CCDC126: variants seen among roughly 807,000 people sequenced by gnomAD.
The protein encoded by CCDC126 is coiled-coil domain containing 126.
Under a neutral mutation model 11.7 loss-of-function variants are expected in CCDC126, and 5 were observed. The ratio of observed to expected loss-of-function variants is 0.43; its 90% CI spans 0.22 to 0.90. The LOEUF (loss-of-function observed/expected upper bound fraction) is 0.90. Among genes scored for constraint, CCDC126 ranks in the 40% least tolerant of loss-of-function variants. The pLI, the probability that CCDC126 is intolerant of heterozygous loss-of-function variation, is 0.27. For synonymous variants in CCDC126, 60 were observed against 61.9 expected, an observed-to-expected ratio of 0.97 and a Z score of 0.14; for missense variants, 150 against 163.1, an observed-to-expected ratio of 0.92 and a Z score of 0.44.
chr7:23,600,058 C>A (rs1782508972), intron 2 of CCDC126, among the ~76,000 whole-genome samples: 1 of 152,126 alleles, frequency 6.6e-6, no homozygotes, highest in African/African-American at 2.4e-5. Flanking sequence ...GTGCTGGGAT[C>A]ACAGGCATGA....
intron 2 of CCDC126, among the ~76,000 whole-genome samples, chr7:23,610,615 G>C (rs1036354680): frequency 6.6e-6 from 1 of 152,098 alleles, no homozygotes; most frequent in Non-Finnish European, 1.5e-5. Context: ...TTTTATCTTA[G>C]ATTGCATCTT....
chr7:23,622,668 A>G (rs1782935868), intron 3 of CCDC126: 3 of 533,774 alleles, frequency 5.6e-6, no homozygotes, highest in Middle Eastern at 4.7e-4. Context: ...AAAGGAACCT[A>G]TGCAGATGAC....
intron 2 of CCDC126, among the ~76,000 whole-genome samples, chr7:23,601,101 A>G (rs73077135): frequency 0.094 from 14,225 of 151,722 alleles, 814 homozygotes; most frequent in East Asian, 0.16. Flanking sequence ...GTGTGTGCAT[A>G]GGCTGGACTC....
chr7:23,643,298 T>A lies in CCDC126; in HGVS notation c.*183T>A. 1.8e-6 allele frequency: 1 copy of A among 561,912 alleles called. No homozygotes were observed. The highest frequency in any genetic ancestry group is 3.0e-5 in the East Asian group (1 of 33,172). The allele number at this position is 561,912 out of a possible 1,614,324, so 34.8% of individuals were successfully genotyped here. ...CATAAAAATTTTAAAGTTATTTGTT[T>A]GCTTTCAGGCAAGTCTGTTCAATGC... On this transcript the variant is annotated 3_prime_UTR_variant, in exon 4 of 4. Transcript: ENST00000307471.
intron 3 of CCDC126, among the ~76,000 whole-genome samples, chr7:23,636,318 C>A (rs1265651882): frequency 6.8e-6 from 1 of 147,884 alleles, no homozygotes; most frequent in South Asian, 2.2e-4. Flanking sequence ...CTGCCTGGCC[C>A]CCCATCGTCT....
chr7:23,612,534 A>G (rs1455478858), intron 3 of CCDC126, among the ~76,000 whole-genome samples: 1 of 150,552 alleles, frequency 6.6e-6, no homozygotes, highest in Non-Finnish European at 1.5e-5. Context: ...TTAGCCAGGC[A>G]TGGTGATACA....
chr7:23,637,097 C>T (rs1448275557), intron 3 of CCDC126, among the ~76,000 whole-genome samples: 3 of 92,162 alleles, frequency 3.3e-5, no homozygotes, highest in Admixed American at 9.2e-5. Context: ...GCCCCCCGCC[C>T]GGCCAGCCGC....
intron 3 of CCDC126, among the ~76,000 whole-genome samples, chr7:23,637,019 A>G (rs1338803537): frequency 1.9e-5 from 1 of 51,678 alleles, no homozygotes; most frequent in Non-Finnish European, 3.8e-5. Context: ...CCCGTCCGGG[A>G]AGGGGGAGGG....
intron 2 of CCDC126, among the ~76,000 whole-genome samples, chr7:23,602,490 G>A (rs1031387572): frequency 1.3e-5 from 2 of 152,134 alleles, no homozygotes; most frequent in Non-Finnish European, 2.9e-5. Context: ...TAAGACAGGG[G>A]AACACAAAGC....
chr7:23,608,710 G>T (rs886745361), intron 2 of CCDC126, among the ~76,000 whole-genome samples: 2 of 152,206 alleles, frequency 1.3e-5, no homozygotes, highest in Admixed American at 6.5e-5. Context: ...CCTAATGGTG[G>T]TTCTAATGGG....
At position 23,643,033 on chromosome 7, in the gene CCDC126, C is replaced by G; in HGVS notation, c.341C>G (p.Ala114Gly). ...TATATTGTTGTGAATGGCTCAGCAGCCAACACCACCAATGGTACTAGTGGG... is the reference window on the plus strand; with the variant it reads ...TATATTGTTGTGAATGGCTCAGCAGGCAACACCACCAATGGTACTAGTGGG... ...VDYIVVNGSA[A>G]NTTNGTSGNL... is the part of the protein sequence containing the mutation. Residue 114 changes from alanine (A) to glycine (G), a missense_variant, in exon 4 of 4, where the codon GCC becomes GGC. Transcript: ENST00000307471. 6.2e-7 allele frequency: 1 copy of G among 1,614,088 alleles called. No homozygotes were observed. Among genetic ancestry groups the G allele is most frequent in the Non-Finnish European group, 8.5e-7 (1 of 1,179,962 alleles).
chr7:23,636,769 TG>T (rs768299331), intron 3 of CCDC126, among the ~76,000 whole-genome samples: 23,013 of 103,392 alleles, frequency 0.22, 1,998 homozygotes, highest in African/African-American at 0.26. Context: ...GGGAGGGAGG[TG>T]GGGGGGGGGT....
At chr7:23,636,658 C>T (rs1243872376) in intron 3 of CCDC126, among the ~76,000 whole-genome samples, 2 of 144,984 alleles carry the variant, frequency 1.4e-5, no homozygotes, top group South Asian at 2.2e-4. Context: ...GGAGCCCCTC[C>T]GTCCGGCAGC....
chr7:23,636,200 A>G (rs569395351), intron 3 of CCDC126, among the ~76,000 whole-genome samples: 1 of 152,240 alleles, frequency 6.6e-6, no homozygotes, highest in South Asian at 2.1e-4. Flanking sequence ...CAGTGGCGTG[A>G]TCTCGGCTCG....
At chr7:23,642,565 GCA>G (rs1256988017) in intron 3 of CCDC126, among the ~76,000 whole-genome samples, 3 of 151,906 alleles carry the variant, frequency 2.0e-5, no homozygotes, top group African/African-American at 7.3e-5. Flanking sequence ...GAGTTCAAGA[GCA>G]GCCCGGCCAA....
chr7:23,621,201 C>T (rs904255472), intron 3 of CCDC126, among the ~76,000 whole-genome samples: 1 of 152,234 alleles, frequency 6.6e-6, no homozygotes, highest in African/African-American at 2.4e-5. Context: ...TTGATTCTTC[C>T]TATCCATGAG....
At chr7:23,610,392 TG>T (rs1782689262) in intron 2 of CCDC126, among the ~76,000 whole-genome samples, 1 of 152,092 alleles carries the variant, frequency 6.6e-6, no homozygotes, top group South Asian at 2.1e-4. Flanking sequence ...TTAAAATTTT[TG>T]TATAGAGATG....
chr7:23,637,615 AG>A (rs1302878381), intron 3 of CCDC126, among the ~76,000 whole-genome samples: 1 of 6,666 alleles, frequency 1.5e-4, no homozygotes, highest in East Asian at 3.1e-3. Context: ...GGAAGTGAGG[AG>A]CTCCTCTGCC....
At chr7:23,604,622 C>A (rs1398183143) in intron 2 of CCDC126, among the ~76,000 whole-genome samples, 2 of 151,938 alleles carry the variant, frequency 1.3e-5, no homozygotes, top group Non-Finnish European at 2.9e-5. Flanking sequence ...TTGTTGTCCC[C>A]ATTATATAAG....
Sources: allele counts gnomAD v4.1 joint callset (sites outside exome capture counted in the v4.1 genomes callset), GRCh38; gene constraint gnomAD v4.1.1; transcripts MANE v1.5; gene names NCBI Gene and HGNC (gene_info 2026-07-23, HGNC 2026-07-21).